CCDC171: variants seen among roughly 807,000 people sequenced by gnomAD.
CCDC171 encodes coiled-coil domain-containing protein 171.
A neutral mutation model predicts 168.2 loss-of-function variants in CCDC171; 177 were observed. That is an observed-to-expected ratio of 1.05 (90% CI 0.93 to 1.19). The LOEUF (loss-of-function observed/expected upper bound fraction) is 1.19, where lower values mean the gene tolerates loss of function less well. Among genes scored for constraint, CCDC171 ranks in the 50% most tolerant of loss-of-function variants. The pLI is 0.00. For synonymous variants in CCDC171, 687 were observed against 540.8 expected (o/e 1.27, Z -3.75); for missense variants, 1,991 against 1,539.0 (o/e 1.29, Z -4.91).
chr9:15,588,551 CA>C, intron 4 of CCDC171: 1 of 345,286 alleles, frequency 2.9e-6, no homozygotes, highest in Non-Finnish European at 5.8e-6. Context: ...AAGAATCCTG[CA>C]GGAAATGGAG....
chr9:15,623,471 GCGCGCACACA>G (rs1304327757), intron 7 of CCDC171, 58 bp downstream of exon 7: 13 of 505,414 alleles, frequency 2.6e-5, no homozygotes, highest in Admixed American at 1.2e-4. Flanking sequence ...ATATGCGCGC[GCGCGCACACA>G]CACACACACA....
At chr9:15,958,202 G>GCC (rs1829998005) in intron 25 of CCDC171, among the ~76,000 whole-genome samples, 1 of 149,922 alleles carries the variant, frequency 6.7e-6, no homozygotes, top group Non-Finnish European at 1.5e-5. Flanking sequence ...CACTGTGCAG[G>GCC]CCACTGGTAA....
intron 3 of CCDC171, among the ~76,000 whole-genome samples, chr9:16,010,994 A>T (rs929807255): frequency 6.6e-6 from 1 of 152,218 alleles, no homozygotes; most frequent in East Asian, 1.9e-4. Context: ...ACCCTGATTT[A>T]TTCAGTTAAA....
chr9:16,054,795 A>G (rs1377157570), intron 1 of CCDC171, among the ~76,000 whole-genome samples: 1 of 152,184 alleles, frequency 6.6e-6, no homozygotes. Context: ...GTTGGATGGG[A>G]TATTTCTTAG....
At chr9:15,705,762 G>A (rs764874760) in intron 11 of CCDC171, among the ~76,000 whole-genome samples, 5 of 152,146 alleles carry the variant, frequency 3.3e-5, no homozygotes, top group Non-Finnish European at 5.9e-5. Context: ...GTTCCATGAG[G>A]ATGAGAATCT....
chr9:16,045,210 G>A (rs760598256), intron 1 of CCDC171, among the ~76,000 whole-genome samples: 7 of 152,144 alleles, frequency 4.6e-5, no homozygotes, highest in Admixed American at 2.6e-4. Context: ...GTGCAGTGGC[G>A]CAATGGGGAG....
At chr9:15,582,027 A>G (rs1287048974) in intron 4 of CCDC171, among the ~76,000 whole-genome samples, 1 of 152,220 alleles carries the variant, frequency 6.6e-6, no homozygotes, top group Non-Finnish European at 1.5e-5. Context: ...TTTGCAATCT[A>G]TCCATCTGAC....
At chr9:15,786,036 T>C (rs1286766358) in intron 21 of CCDC171, among the ~76,000 whole-genome samples, 1 of 152,118 alleles carries the variant, frequency 6.6e-6, no homozygotes, top group African/African-American at 2.4e-5. Flanking sequence ...GAGGAAAATA[T>C]AGATGTCCTT....
chr9:15,840,081 G>T (rs1463446022), intron 21 of CCDC171, among the ~76,000 whole-genome samples: 1 of 151,972 alleles, frequency 6.6e-6, no homozygotes. Context: ...TTTAAATTCT[G>T]TAGTACAGTG....
At chr9:16,056,519 G>A (rs1002241531) in intron 1 of CCDC171, among the ~76,000 whole-genome samples, 6 of 152,118 alleles carry the variant, frequency 3.9e-5, no homozygotes, top group Admixed American at 1.3e-4. Flanking sequence ...ATGGAGTCTC[G>A]TTCTGTGGCC....
intron 7 of CCDC171, among the ~76,000 whole-genome samples, chr9:15,653,341 C>T (rs1293947459): frequency 6.6e-6 from 1 of 151,648 alleles, no homozygotes; most frequent in Non-Finnish European, 1.5e-5. Flanking sequence ...GGTGCTTCAC[C>T]ATGTTGCCCA....
intron 24 of CCDC171, among the ~76,000 whole-genome samples, chr9:15,908,254 C>G (rs985084187): frequency 6.6e-6 from 1 of 152,124 alleles, no homozygotes; most frequent in Non-Finnish European, 1.5e-5. Context: ...TGGAACTAAC[C>G]CAAATGTCCA....
At chr9:15,960,336 G>C (rs1830221677) in intron 25 of CCDC171, among the ~76,000 whole-genome samples, 1 of 152,156 alleles carries the variant, frequency 6.6e-6, no homozygotes. Context: ...ACCTGGAACA[G>C]TATTTGGCAC....
the CCDC171 span, among the ~76,000 whole-genome samples, chr9:16,068,195 C>G: frequency 6.7e-6 from 1 of 149,280 alleles, no homozygotes; most frequent in African/African-American, 2.5e-5. Context: ...CATGAGTGAA[C>G]TCCCATTCAC....
At chr9:15,619,747 A>T (rs540528631) in intron 6 of CCDC171, among the ~76,000 whole-genome samples, 2 of 152,342 alleles carry the variant, frequency 1.3e-5, no homozygotes, top group East Asian at 3.9e-4. Context: ...CTTCTACTGG[A>T]AGGTGTCATC....
At chr9:15,570,136 A>T (rs1200812191) in intron 2 of CCDC171, among the ~76,000 whole-genome samples, 1 of 151,770 alleles carries the variant, frequency 6.6e-6, no homozygotes, top group Non-Finnish European at 1.5e-5. Flanking sequence ...CATCCAGCTA[A>T]TTTTTTATAT....
intron 25 of CCDC171, among the ~76,000 whole-genome samples, chr9:15,928,263 G>A (rs1434422060): frequency 2.0e-5 from 3 of 151,724 alleles, no homozygotes; most frequent in Admixed American, 6.6e-5. Context: ...ATATAACTGA[G>A]GGACTTCACT....
chr9:15,950,279 C>T (rs1391590166), intron 25 of CCDC171, among the ~76,000 whole-genome samples: 1 of 152,062 alleles, frequency 6.6e-6, no homozygotes, highest in Non-Finnish European at 1.5e-5. Context: ...GAGAACACCA[C>T]AAAGATACTC....
At chr9:16,009,606 C>A (rs996791303) in intron 3 of CCDC171, among the ~76,000 whole-genome samples, 5 of 152,108 alleles carry the variant, frequency 3.3e-5, no homozygotes, top group Non-Finnish European at 2.9e-5. Flanking sequence ...CTTAGTAGTT[C>A]TAATTATGTC....
Sources: gnomAD v4.1 joint callset for allele counts (sites outside exome capture counted in the v4.1 genomes callset) on GRCh38, gnomAD v4.1.1 for gene constraint, MANE v1.5 for transcripts, NCBI Gene and HGNC (gene_info 2026-07-23, HGNC 2026-07-21) for gene names.